P2RY12: variants seen among roughly 807,000 people sequenced by gnomAD.
The protein encoded by P2RY12 is purinergic receptor P2Y12.
P2RY12 carries 3 observed loss-of-function variants against 4.5 expected under a neutral mutation model. The ratio of observed to expected loss-of-function variants is 0.67; its 90% CI spans 0.31 to 1.74. The LOEUF is 1.74. Ranked by LOEUF, P2RY12 falls within the 40% of genes most tolerant of loss-of-function variation. The probability of loss-of-function intolerance (pLI) is 0.09; values close to 1 mark genes in which losing one functional copy is unlikely to be tolerated. For synonymous variants in P2RY12, 148 were observed against 154.1 expected (o/e 0.96, Z 0.29); for missense variants, 356 against 407.8 (o/e 0.87, Z 1.09).
At chr3:151,367,873 G>A (rs758489864) in intron 1 of P2RY12, 2 of 1,288,958 alleles carry the variant, frequency 1.6e-6, no homozygotes, top group Non-Finnish European at 1.1e-6. Context: ...ATGTATATTG[G>A]GAAGTGGTGT....
At chr3:151,344,105 C>T (rs528317206) in intron 1 of P2RY12, among the ~76,000 whole-genome samples, 5 of 152,028 alleles carry the variant, frequency 3.3e-5, no homozygotes, top group South Asian at 2.1e-4. Flanking sequence ...AAATGAATGC[C>T]GTCTTTTGTG....
intron 1 of P2RY12, among the ~76,000 whole-genome samples, chr3:151,356,375 G>T (rs1448643764): frequency 6.6e-6 from 1 of 152,082 alleles, no homozygotes; most frequent in African/African-American, 2.4e-5. Flanking sequence ...CTATGGGACA[G>T]TGCAAGGCCC....
At chr3:151,383,628 G>A (rs2108154332) in intron 1 of P2RY12, 1 of 566,108 alleles carries the variant, frequency 1.8e-6, no homozygotes. Flanking sequence ...TGATAAACAT[G>A]TAGGTAAAAG....
chr3:151,349,218 C>T (rs1276415676), intron 1 of P2RY12, among the ~76,000 whole-genome samples: 1 of 151,994 alleles, frequency 6.6e-6, no homozygotes, highest in Non-Finnish European at 1.5e-5. Flanking sequence ...CATATGCTTT[C>T]GTTATGCTGT....
chr3:151,357,352 A>G, intron 1 of P2RY12: 2 of 1,612,440 alleles, frequency 1.2e-6, no homozygotes, highest in Non-Finnish European at 1.7e-6. Context: ...TTGAATCCTG[A>G]TCAGACAGCC....
chr3:151,347,565 T>C (rs1054843121), intron 1 of P2RY12, among the ~76,000 whole-genome samples: 11 of 152,156 alleles, frequency 7.2e-5, no homozygotes, highest in African/African-American at 2.7e-4. Flanking sequence ...GTACATAGCA[T>C]TTCAGCAAGT....
At chr3:151,355,274 G>C (rs1248138773) in intron 1 of P2RY12, 8 of 1,460,830 alleles carry the variant, frequency 5.5e-6, no homozygotes, top group Non-Finnish European at 7.6e-6. Flanking sequence ...TGCATTTGCA[G>C]TATTCTAATT....
intron 1 of P2RY12, among the ~76,000 whole-genome samples, chr3:151,349,577 C>T (rs1018699532): frequency 1.3e-5 from 2 of 149,448 alleles, no homozygotes; most frequent in African/African-American, 2.6e-5. Flanking sequence ...AGCCACTGCA[C>T]CCTGTCCAGG....
chr3:151,365,246 G>A (rs2107914407), intron 1 of P2RY12: 5 of 1,523,126 alleles, frequency 3.3e-6, no homozygotes, highest in Admixed American at 1.7e-5. Flanking sequence ...TAACCAAAGA[G>A]TTGTTGCCTT....
At chr3:151,347,919 AC>A (rs2150003819) in intron 1 of P2RY12, among the ~76,000 whole-genome samples, 1 of 152,192 alleles carries the variant, frequency 6.6e-6, no homozygotes, top group Non-Finnish European at 1.5e-5. Context: ...CAGCTCTCTT[AC>A]CCCAAGCTTG....
chr3:151,338,748 G>A lies in P2RY12; in HGVS notation c.98C>T (p.Thr33Ile), dbSNP rs1751385430. 2 of 1,613,912 alleles carry A rather than the reference G, an allele frequency of 1.2e-6. No individual in the cohort carries two copies. The highest frequency in any genetic ancestry group is 1.7e-6 in the Non-Finnish European group (2 of 1,179,942). ...ITQVLFPLLY[T>I]VLFFVGLITN... is the part of the protein sequence containing the mutation. ...GATAAGTCCAACAAAAAACAGGACA[G>A]TGTAGAGCAGTGGGAAGAGGACCTG... The change falls in exon 3 of 3, where the codon ACT (threonine) becomes ATT (isoleucine). Residue 33 changes from threonine (T) to isoleucine (I), a missense_variant. Coordinates refer to ENST00000302632, the MANE Select transcript of P2RY12 (RefSeq NM_022788.5).
chr3:151,339,408 T>TATTAAATAAAATACTGA (rs1453814009), intron 2 of P2RY12, among the ~76,000 whole-genome samples: 102 of 146,310 alleles, frequency 7.0e-4, no homozygotes, highest in African/African-American at 2.5e-3. Context: ...TTGGGAAACT[T>TATTAAATAAAATACTGA]ATTAAATAAA....
At chr3:151,338,921 C>G in intron 2 of P2RY12, 62 bp from the exon 3 acceptor site, 1 of 1,463,288 alleles carries the variant, frequency 6.8e-7, no homozygotes, top group Non-Finnish European at 9.5e-7. Flanking sequence ...GCTGTTATCT[C>G]TGTGTGTAAC....
rs1232716593 is a variant in P2RY12, at chr3:151,372,828, T to C, written c.-180+11864A>G. On this transcript the variant is annotated intron_variant, in intron 1 of 2. Coordinates refer to ENST00000302632, the MANE Select transcript of P2RY12 (RefSeq NM_022788.5). ...TAACTCTTCTTTTGGAGAGAGCTAC[T>C]TACACTTATAGGAAACTTGTGCATA... 3.0e-6 allele frequency: 4 copies of C among 1,346,518 alleles called. No homozygotes were observed. The East Asian group carries it at 9.3e-5, about 31-fold the overall frequency. 83.4% of individuals were successfully genotyped at this position (1,346,518 alleles called of 1,614,324 possible).
At chr3:151,365,559 C>T (rs1377473607) in intron 1 of P2RY12, among the ~76,000 whole-genome samples, 1 of 151,788 alleles carries the variant, frequency 6.6e-6, no homozygotes, top group Non-Finnish European at 1.5e-5. Context: ...TTTTTGATGC[C>T]CTTAAAAATG....
chr3:151,353,581 T>A (rs1036803884), intron 1 of P2RY12, among the ~76,000 whole-genome samples: 10 of 152,210 alleles, frequency 6.6e-5, no homozygotes, highest in African/African-American at 2.4e-4. Context: ...ACCAGCCTTG[T>A]GGTGTTTTGT....
Position 151,338,741 on chromosome 3 carries a change from C to T in P2RY12, c.105G>A (p.Leu35=), listed in dbSNP as rs753397362. 22 of 1,613,636 alleles carry T rather than the reference C, an allele frequency of 1.4e-5. 2 individuals carry two copies. The South Asian group carries it at 2.4e-4, about 18-fold the overall frequency. The change falls in exon 3 of 3, where the codon CTG becomes CTA. Residue 35 remains leucine, a synonymous_variant. Transcript: ENST00000302632. ...CATTTGTGATAAGTCCAACAAAAAACAGGACAGTGTAGAGCAGTGGGAAGA... is the reference window on the plus strand; with the variant it reads ...CATTTGTGATAAGTCCAACAAAAAATAGGACAGTGTAGAGCAGTGGGAAGA... ...QVLFPLLYTV[L]FFVGLITNGL...
chr3:151,367,895 A>G, intron 1 of P2RY12: 2 of 1,081,332 alleles, frequency 1.8e-6, no homozygotes, highest in South Asian at 1.6e-5. Flanking sequence ...GTATCAAGGT[A>G]GATATGGTAG....
chr3:151,356,171 A>G (rs965400618), intron 1 of P2RY12: 35 of 878,450 alleles, frequency 4.0e-5, no homozygotes, highest in South Asian at 1.2e-4. Context: ...AGGCCGAGGT[A>G]GGAGGATTGC....
Sources: allele counts gnomAD v4.1 joint callset (sites outside exome capture counted in the v4.1 genomes callset), GRCh38; gene constraint gnomAD v4.1.1; transcripts MANE v1.5; gene names NCBI Gene and HGNC (gene_info 2026-07-23, HGNC 2026-07-21).